The following C2orf66 variants were observed in gnomAD, a reference collection of about 807,000 sequenced individuals.
The protein encoded by C2orf66 is uncharacterized protein C2orf66.
In C2orf66, 6 loss-of-function variants were observed where a neutral mutation model predicts 7.0. That is an observed-to-expected ratio of 0.86 (90% CI 0.47 to 1.69). The LOEUF (loss-of-function observed/expected upper bound fraction) is 1.69, where lower values mean the gene tolerates loss of function less well. Among genes scored for constraint, C2orf66 ranks in the 40% most tolerant of loss-of-function variants. The pLI is 0.01. For synonymous variants in C2orf66, 38 were observed against 43.8 expected (o/e 0.87, Z 0.52); for missense variants, 107 against 112.0 (o/e 0.96, Z 0.20).
At chr2:196,824,437 C>T in the C2orf66 span, among the ~76,000 whole-genome samples, 3 of 152,102 alleles carry the variant, frequency 2.0e-5, no homozygotes, top group Non-Finnish European at 2.9e-5. Context: ...AACTGCTTAC[C>T]TCTTTTAGTT....
intron 1 of C2orf66, 127 bp from the exon 2 acceptor site, chr2:196,807,749 A>G: frequency 1.4e-6 from 1 of 731,876 alleles, no homozygotes; most frequent in Non-Finnish European, 2.3e-6. Flanking sequence ...GAAATACAAA[A>G]TCTAGAAATA....
chr2:196,816,117 C>A, the C2orf66 span, among the ~76,000 whole-genome samples: 1 of 152,148 alleles, frequency 6.6e-6, no homozygotes, highest in African/African-American at 2.4e-5. Flanking sequence ...TTGTGATAAA[C>A]AGAACAGAAG....
the C2orf66 span, among the ~76,000 whole-genome samples, chr2:196,825,143 A>C: frequency 2.0e-5 from 3 of 151,504 alleles, no homozygotes; most frequent in African/African-American, 7.3e-5. Context: ...CTGAGGCAAA[A>C]GAAGTGCTCG....
chr2:196,827,042 CA>C, the C2orf66 span, among the ~76,000 whole-genome samples: 2,518 of 151,260 alleles, frequency 0.017, 63 homozygotes, highest in African/African-American at 0.057. Context: ...AAAAACAAAA[CA>C]AAACAAAACA....
At chr2:196,827,167 A>C in the C2orf66 span, among the ~76,000 whole-genome samples, 1 of 147,034 alleles carries the variant, frequency 6.8e-6, no homozygotes, top group African/African-American at 2.5e-5. Context: ...TGAGCCCAGG[A>C]GGCCAAGGCT....
At chr2:196,816,146 G>C in the C2orf66 span, among the ~76,000 whole-genome samples, 1 of 152,204 alleles carries the variant, frequency 6.6e-6, no homozygotes, top group African/African-American at 2.4e-5. Context: ...TGTGGGTCAA[G>C]GGAGCCATAG....
intron 2 of C2orf66, among the ~76,000 whole-genome samples, chr2:196,806,820 C>T (rs570717288): frequency 1.3e-5 from 2 of 152,004 alleles, no homozygotes; most frequent in Non-Finnish European, 2.9e-5. Context: ...CACACCATTG[C>T]ACTCCAGCCT....
the C2orf66 span, among the ~76,000 whole-genome samples, chr2:196,830,383 G>T: frequency 1.3e-5 from 2 of 152,116 alleles, no homozygotes; most frequent in East Asian, 1.9e-4. Context: ...ATGCTCAGCC[G>T]TCCAAACCCA....
the C2orf66 span, among the ~76,000 whole-genome samples, chr2:196,825,977 GTTA>G: frequency 6.6e-6 from 1 of 152,100 alleles, no homozygotes; most frequent in Non-Finnish European, 1.5e-5. Flanking sequence ...TATTTATTAT[GTTA>G]TTTAGTTCTA....
At chr2:196,829,701 T>C in the C2orf66 span, among the ~76,000 whole-genome samples, 3 of 150,654 alleles carry the variant, frequency 2.0e-5, no homozygotes, top group South Asian at 6.3e-4. Context: ...ATAAAGACCA[T>C]CCTGGCTAAC....
the C2orf66 span, among the ~76,000 whole-genome samples, chr2:196,824,151 CTA>C: frequency 1.3e-5 from 2 of 152,110 alleles, no homozygotes; most frequent in Non-Finnish European, 2.9e-5. Context: ...TTTAAGAACA[CTA>C]TTTCTTAGAC....
At chr2:196,828,224 TCTCTCTCACACACA>T in the C2orf66 span, among the ~76,000 whole-genome samples, 1 of 135,454 alleles carries the variant, frequency 7.4e-6, no homozygotes, top group South Asian at 2.4e-4. Context: ...TCTCTCTCTC[TCTCTCTCACACACA>T]CACACACACA....
the C2orf66 span, among the ~76,000 whole-genome samples, chr2:196,815,090 G>A: frequency 1.3e-4 from 20 of 151,894 alleles, no homozygotes; most frequent in East Asian, 2.9e-3. Context: ...CTAGCCTCCC[G>A]AGTAGCTAGG....
In C2orf66 at chr2:196,804,775, C is replaced by G. The variant is rs142780044; in HGVS notation, c.*653G>C. 6.0e-3 allele frequency among the ~76,000 whole-genome samples: 908 copies of G among 152,256 alleles called. 4 individuals carry two copies. Among genetic ancestry groups the G allele is most frequent in the African/African-American group, 0.021 (857 of 41,540 alleles). ...AGAATATTTGATGTGGCACAATGTC[C>G]ACCTCTGAATACTCTGGCAAAGAGC... On this transcript the variant is annotated 3_prime_UTR_variant, in exon 3 of 3. Transcript: ENST00000342506.
At chr2:196,814,705 C>G in the C2orf66 span, among the ~76,000 whole-genome samples, 2 of 152,124 alleles carry the variant, frequency 1.3e-5, no homozygotes, top group Admixed American at 1.3e-4. Flanking sequence ...ACTTTTAAAA[C>G]AGGAAATACT....
chr2:196,827,446 T>C, the C2orf66 span, among the ~76,000 whole-genome samples: 1 of 152,036 alleles, frequency 6.6e-6, no homozygotes, highest in Non-Finnish European at 1.5e-5. Context: ...TAGGTCAAAA[T>C]CTTTTCCAGA....
chr2:196,820,215 C>G, the C2orf66 span, among the ~76,000 whole-genome samples: 1 of 152,158 alleles, frequency 6.6e-6, no homozygotes, highest in Non-Finnish European at 1.5e-5. Flanking sequence ...CAGCTTTCTC[C>G]CCTCCATTCA....
chr2:196,818,633 G>A, the C2orf66 span, among the ~76,000 whole-genome samples: 1 of 152,188 alleles, frequency 6.6e-6, no homozygotes, highest in Admixed American at 6.5e-5. Flanking sequence ...GCAAAAGCCA[G>A]CTGGGAGAAA....
upstream of C2orf66, among the ~76,000 whole-genome samples, chr2:196,814,015 A>G (rs1392707045): frequency 2.0e-5 from 3 of 152,278 alleles, no homozygotes; most frequent in East Asian, 5.8e-4. Context: ...ACAGTGTGGA[A>G]ATTCCTCAAG....
Sources: gnomAD v4.1 joint callset for allele counts (sites outside exome capture counted in the v4.1 genomes callset) on GRCh38, gnomAD v4.1.1 for gene constraint, MANE v1.5 for transcripts, NCBI Gene and HGNC (gene_info 2026-07-23, HGNC 2026-07-21) for gene names.